MYO1E: variants seen among roughly 807,000 people sequenced by gnomAD.
The protein encoded by MYO1E is myosin IE, also known as unconventional myosin-Ie.
Under a neutral mutation model 151.1 loss-of-function variants are expected in MYO1E, and 68 were observed. That is an observed-to-expected ratio of 0.45 (90% CI 0.37 to 0.55). The LOEUF is 0.55. Ranked by LOEUF, MYO1E falls within the 20% of genes least tolerant of loss-of-function variation. The pLI, the probability that MYO1E is intolerant of heterozygous loss-of-function variation, is 0.00. For synonymous variants in MYO1E, 601 were observed against 501.7 expected (o/e 1.20, Z -2.64); for missense variants, 1,363 against 1,389.3 (o/e 0.98, Z 0.30).
intron 22 of MYO1E, among the ~76,000 whole-genome samples, chr15:59,164,302 C>G (rs2079552955): frequency 1.3e-5 from 2 of 152,214 alleles, no homozygotes; most frequent in African/African-American, 4.8e-5. Flanking sequence ...TGCCAAATAC[C>G]AAAGACAACC....
At chr15:59,299,868 T>G (rs2080471777) in intron 1 of MYO1E, among the ~76,000 whole-genome samples, 1 of 152,142 alleles carries the variant, frequency 6.6e-6, no homozygotes, top group African/African-American at 2.4e-5. Flanking sequence ...GTTGATTAGA[T>G]TTTCCCTAAC....
chr15:59,361,170 A>T (rs979983042), intron 1 of MYO1E, among the ~76,000 whole-genome samples: 1 of 152,206 alleles, frequency 6.6e-6, no homozygotes, highest in Non-Finnish European at 1.5e-5. Context: ...CATGTGAGTG[A>T]GGCCACCCTA....
At chr15:59,261,629 G>C in intron 2 of MYO1E, 120 bp from the exon 3 acceptor site, 1 of 713,980 alleles carries the variant, frequency 1.4e-6, no homozygotes, top group African/African-American at 1.8e-5. Flanking sequence ...TTGTGTACTT[G>C]TTTTCTAAAA....
chr15:59,224,037 G>T (rs923044554), intron 8 of MYO1E, among the ~76,000 whole-genome samples: 1 of 152,196 alleles, frequency 6.6e-6, no homozygotes, highest in Non-Finnish European at 1.5e-5. Context: ...TTGAGGAATA[G>T]TCCCCAGCTT....
intron 22 of MYO1E, among the ~76,000 whole-genome samples, chr15:59,166,914 A>G (rs1458900715): frequency 2.6e-5 from 4 of 152,206 alleles, no homozygotes; most frequent in Non-Finnish European, 5.9e-5. Flanking sequence ...AGTAAGGCAC[A>G]TGTTTACTCA....
Position 59,372,185 on chromosome 15 carries a change from C to G in MYO1E, c.3+313G>C, listed in dbSNP as rs369763581. 7.9e-5 allele frequency among the ~76,000 whole-genome samples: 12 copies of G among 152,036 alleles called. No homozygotes were observed. In the East Asian group the frequency reaches 2.3e-3, roughly 30 times the overall value. Reference sequence around the variant, plus strand: ...CCAGCAGGAGGAGGGGACCCCCTCCCGCGCCGTGCCCCTCGCAGCCGATGC... The same window carrying G: ...CCAGCAGGAGGAGGGGACCCCCTCCGGCGCCGTGCCCCTCGCAGCCGATGC... On this transcript the variant is annotated intron_variant, in intron 1 of 27. Transcript: ENST00000288235.
chr15:59,371,706 G>C (rs1354820997), intron 1 of MYO1E, among the ~76,000 whole-genome samples: 1 of 152,148 alleles, frequency 6.6e-6, no homozygotes, highest in Non-Finnish European at 1.5e-5. Context: ...GCGTCCCCTG[G>C]ATCCCCGAAA....
intron 1 of MYO1E, among the ~76,000 whole-genome samples, chr15:59,302,155 A>G (rs537447587): frequency 6.6e-6 from 1 of 152,296 alleles, no homozygotes; most frequent in South Asian, 2.1e-4. Flanking sequence ...AAGGCAGGAA[A>G]AGTTAGAAAA....
intron 5 of MYO1E, 50 bp from the exon 6 acceptor site, chr15:59,231,841 A>C: frequency 6.3e-7 from 1 of 1,592,048 alleles, no homozygotes; most frequent in Non-Finnish European, 8.6e-7. Context: ...CACCTACCAC[A>C]CAGTGTACGC....
At position 59,217,913 on chromosome 15, in the gene MYO1E, C is replaced by T. The variant is rs780232009; in HGVS notation, c.1085G>A (p.Arg362Gln). 26 of 1,614,014 alleles carry T rather than the reference C, an allele frequency of 1.6e-5. No individual in the cohort carries two copies. Among genetic ancestry groups the T allele is most frequent in the Middle Eastern group, 1.6e-4 (1 of 6,084 alleles). Residue 362 changes from arginine to glutamine, a missense_variant, in exon 10 of 28, where the codon CGG becomes CAG. By Grantham distance (43) the Arg-to-Gln change is conservative. Coordinates refer to ENST00000288235, the MANE Select transcript of MYO1E (RefSeq NM_004998.4). ...TACATCTACCAAGAAATCAAAGACCCGGGCGTGCAGGGCCTTGGCGAGCGC... is the reference window on the plus strand; with the variant it reads ...TACATCTACCAAGAAATCAAAGACCTGGGCGTGCAGGGCCTTGGCGAGCGC... ...RDALAKALHA[R>Q]VFDFLVDSIN... is the part of the protein sequence containing the mutation.
chr15:59,170,731 T>C (rs10775168), intron 22 of MYO1E, among the ~76,000 whole-genome samples: 145,312 of 152,236 alleles, frequency 0.95, 69,479 homozygotes, highest in East Asian at 0.99. Flanking sequence ...CACTGCCTGG[T>C]CCTTTATCCA....
intron 23 of MYO1E, among the ~76,000 whole-genome samples, chr15:59,161,985 T>C (rs540178165): frequency 8.5e-5 from 13 of 152,304 alleles, no homozygotes; most frequent in Admixed American, 4.6e-4. Flanking sequence ...TAGGAAAAGA[T>C]GGAGGATATT....
chr15:59,227,452 G>C lies in MYO1E; in HGVS notation c.642+7C>G, dbSNP rs770758624. On this transcript the variant is annotated splice_region_variant and intron_variant, in intron 7 of 27. Coordinates refer to ENST00000288235, the MANE Select transcript of MYO1E (RefSeq NM_004998.4). ...GAAGTGGGTAGGAAAAAAGTAAACAGGAAAACCTGGTAAAATATGTGAAAA... is the reference window on the plus strand; with the variant it reads ...GAAGTGGGTAGGAAAAAAGTAAACACGAAAACCTGGTAAAATATGTGAAAA... 9 of 1,613,890 alleles carry C rather than the reference G, an allele frequency of 5.6e-6. No individual in the cohort carries two copies. The highest frequency in any genetic ancestry group is 7.6e-6 in the Non-Finnish European group (9 of 1,179,982).
chr15:59,163,375 C>G (rs879663396), intron 22 of MYO1E, 72 bp from the exon 23 acceptor site: 2 of 1,487,528 alleles, frequency 1.3e-6, no homozygotes, highest in Non-Finnish European at 1.8e-6. Context: ...TTTTTTTCTT[C>G]CATTTTAAAA....
At chr15:59,292,871 G>A (rs2080427966) in intron 1 of MYO1E, among the ~76,000 whole-genome samples, 1 of 152,216 alleles carries the variant, frequency 6.6e-6, no homozygotes, top group African/African-American at 2.4e-5. Context: ...GCCAGAGCTT[G>A]AGAGGTGACC....
At chr15:59,309,387 G>C (rs1030992483) in intron 1 of MYO1E, among the ~76,000 whole-genome samples, 2 of 152,228 alleles carry the variant, frequency 1.3e-5, no homozygotes, top group East Asian at 1.9e-4. Context: ...AACAGGACTT[G>C]AATTTTCTGA....
intron 1 of MYO1E, among the ~76,000 whole-genome samples, chr15:59,275,434 C>CCG (rs2080312755): frequency 1.3e-5 from 2 of 152,116 alleles, no homozygotes; most frequent in Admixed American, 6.5e-5. Flanking sequence ...TCTCCCTTCC[C>CCG]TGTCTCTCCC....
intron 16 of MYO1E, among the ~76,000 whole-genome samples, chr15:59,200,390 G>A (rs2079793813): frequency 2.0e-5 from 3 of 152,178 alleles, no homozygotes; most frequent in Admixed American, 2.0e-4. Context: ...TCTGCCTTCA[G>A]CAATCTGCCC....
intron 19 of MYO1E, 134 bp from the exon 20 acceptor site, chr15:59,174,374 G>T (rs909367866): frequency 4.2e-6 from 3 of 716,044 alleles, no homozygotes; most frequent in Non-Finnish European, 7.6e-6. Flanking sequence ...ATTCATGAAC[G>T]AATATGTGAA....
Sources: allele counts gnomAD v4.1 joint callset (sites outside exome capture counted in the v4.1 genomes callset), GRCh38; gene constraint gnomAD v4.1.1; transcripts MANE v1.5; gene names NCBI Gene and HGNC (gene_info 2026-07-23, HGNC 2026-07-21).